Variants in MYCBP2 observed in about 807,000 individuals in gnomAD.
The protein encoded by MYCBP2 is E3 ubiquitin-protein ligase MYCBP2.
A neutral mutation model predicts 525.3 loss-of-function variants in MYCBP2; 120 were observed. The ratio of observed to expected loss-of-function variants is 0.23; its 90% CI spans 0.20 to 0.27. MYCBP2 has a LOEUF of 0.27. Among genes scored for constraint, MYCBP2 ranks in the 10% least tolerant of loss-of-function variants. The pLI, the probability that MYCBP2 is intolerant of heterozygous loss-of-function variation, is 1.00. For synonymous variants in MYCBP2, 1,894 were observed against 1,955.8 expected, an observed-to-expected ratio of 0.97 and a Z score of 0.83; for missense variants, 4,149 against 5,657.1, an observed-to-expected ratio of 0.73 and a Z score of 8.55.
At chr13:77,073,676 T>A (rs1008220231) in intron 68 of MYCBP2, among the ~76,000 whole-genome samples, 1 of 152,048 alleles carries the variant, frequency 6.6e-6, no homozygotes, top group Non-Finnish European at 1.5e-5. Flanking sequence ...AATTAGTAAG[T>A]GAATTTAAGA....
chr13:77,229,421 T>C (rs1441050157), intron 18 of MYCBP2, among the ~76,000 whole-genome samples: 1 of 152,188 alleles, frequency 6.6e-6, no homozygotes, highest in Non-Finnish European at 1.5e-5. Context: ...ATTTAGAGTT[T>C]AATCATAAAT....
At chr13:77,189,975 A>T (rs1462693330) in intron 29 of MYCBP2, among the ~76,000 whole-genome samples, 1 of 152,132 alleles carries the variant, frequency 6.6e-6, no homozygotes, top group Admixed American at 6.5e-5. Context: ...AAATCAATGG[A>T]TAGATTTTTT....
intron 4 of MYCBP2, among the ~76,000 whole-genome samples, chr13:77,277,195 A>G (rs1227437598): frequency 2.0e-5 from 3 of 152,186 alleles, no homozygotes; most frequent in Non-Finnish European, 4.4e-5. Flanking sequence ...GTATTTCAAC[A>G]TTCCAATTAT....
chr13:77,271,622 G>A (rs1289872685), intron 5 of MYCBP2, among the ~76,000 whole-genome samples: 1 of 152,244 alleles, frequency 6.6e-6, no homozygotes. Context: ...TAAGCCTCAC[G>A]AGATCTGATG....
chr13:77,235,825 T>C (rs902127185), intron 17 of MYCBP2, among the ~76,000 whole-genome samples: 1 of 151,278 alleles, frequency 6.6e-6, no homozygotes, highest in African/African-American at 2.4e-5. Flanking sequence ...AGGTAGACAG[T>C]GTAGAGATAA....
intron 33 of MYCBP2, 135 bp from the exon 34 acceptor site, chr13:77,180,453 G>T (rs190667975): frequency 0.022 from 15,798 of 712,410 alleles, 219 homozygotes; most frequent in Non-Finnish European, 0.03. Flanking sequence ...AATCTTTCTG[G>T]TTATATGTGG....
chr13:77,202,325 T>A (rs186125145), intron 26 of MYCBP2, among the ~76,000 whole-genome samples: 1 of 151,830 alleles, frequency 6.6e-6, no homozygotes, highest in African/African-American at 2.4e-5. Flanking sequence ...ACACATACAC[T>A]CTCCCAAGAC....
At chr13:77,178,836 G>C (rs899006251) in intron 34 of MYCBP2, among the ~76,000 whole-genome samples, 4 of 151,540 alleles carry the variant, frequency 2.6e-5, no homozygotes, top group Non-Finnish European at 5.9e-5. Flanking sequence ...AGTTTAAAGG[G>C]GAGAACTCTT....
intron 8 of MYCBP2, among the ~76,000 whole-genome samples, chr13:77,265,352 C>T (rs895019628): frequency 2.0e-5 from 3 of 151,938 alleles, no homozygotes; most frequent in African/African-American, 7.3e-5. Context: ...TTCAGATAAA[C>T]GCAGGGGTGA....
At chr13:77,148,108 A>AT (rs2055895130) in intron 47 of MYCBP2, among the ~76,000 whole-genome samples, 1 of 152,050 alleles carries the variant, frequency 6.6e-6, no homozygotes. Context: ...ATAGAGAAGA[A>AT]TTTTTAGCCT....
chr13:77,124,619 G>T (rs1467706691), intron 54 of MYCBP2, among the ~76,000 whole-genome samples: 1 of 152,104 alleles, frequency 6.6e-6, no homozygotes, highest in Non-Finnish European at 1.5e-5. Flanking sequence ...GTCCACAAGG[G>T]ACTCATAACT....
At chr13:77,255,841 A>G (rs1344878639) in intron 14 of MYCBP2, among the ~76,000 whole-genome samples, 1 of 152,028 alleles carries the variant, frequency 6.6e-6, no homozygotes, top group African/African-American at 2.4e-5. Context: ...TAATTTATAC[A>G]GCATTAATCC....
intron 74 of MYCBP2, among the ~76,000 whole-genome samples, chr13:77,062,188 C>G (rs1233309241): frequency 6.6e-6 from 1 of 152,038 alleles, no homozygotes; most frequent in Non-Finnish European, 1.5e-5. Context: ...TTAAAGATAC[C>G]CATCAAACCT....
chr13:77,052,910 C>G (rs1411736089), intron 80 of MYCBP2, among the ~76,000 whole-genome samples: 1 of 152,138 alleles, frequency 6.6e-6, no homozygotes, highest in Non-Finnish European at 1.5e-5. Context: ...AGACAGATTC[C>G]TTGAGCTCAG....
intron 47 of MYCBP2, 132 bp from the exon 48 acceptor site, chr13:77,146,349 T>C (rs2055549061): frequency 4.5e-6 from 2 of 442,536 alleles, no homozygotes; most frequent in Admixed American, 4.4e-5. Flanking sequence ...GAAAAAAAAT[T>C]ACCTACTTTA....
chr13:77,318,622 G>A (rs2081241298), intron 1 of MYCBP2, among the ~76,000 whole-genome samples: 1 of 151,976 alleles, frequency 6.6e-6, no homozygotes, highest in Admixed American at 6.6e-5. Flanking sequence ...AGTGTGGTGG[G>A]ACACGCCTGT....
At chr13:77,120,756 T>C (rs2050550335) in intron 55 of MYCBP2, among the ~76,000 whole-genome samples, 1 of 152,208 alleles carries the variant, frequency 6.6e-6, no homozygotes, top group Non-Finnish European at 1.5e-5. Flanking sequence ...TCCATGATGC[T>C]GGTCTCTTCC....
chr13:77,098,255 C>T lies in MYCBP2; in HGVS notation c.8899G>A (p.Val2967Ile). 1.2e-6 allele frequency: 2 copies of T among 1,613,024 alleles called. No individual in the cohort carries two copies. Among genetic ancestry groups the T allele is most frequent in the East Asian group, 4.5e-5 (2 of 44,862 alleles). The change falls in exon 56 of 83, where the codon GTT (valine) becomes ATT (isoleucine). Residue 2967 changes from valine to isoleucine, a missense_variant. Around this residue, in one of 21 missense-constraint regions of MYCBP2, gnomAD observed 653 missense variants for 744.7 expected, o/e 0.88. Transcript: ENST00000544440. Reference protein sequence around the residue: ...FKSVDEGSNKVHFSIGKAPLK... With the variant: ...FKSVDEGSNKIHFSIGKAPLK... ...GGTGCTTTTCCAATGCTAAAATGAA[C>T]TTTATTTGAACCTTCATCCACACTC...
chr13:77,243,918 A>G lies in MYCBP2; in HGVS notation c.2415T>C (p.Cys805=). Residue 805 remains cysteine, a synonymous_variant, in exon 16 of 83, where the codon TGT becomes TGC. Coordinates refer to ENST00000544440, the MANE Select transcript of MYCBP2 (RefSeq NM_015057.5). ...ICGCGSGESG[C]AVCGCCKACA... is the part of the protein sequence containing the mutation. Reference sequence around the variant, plus strand: ...AGGCCTTGCAACATCCACACACAGCACAACCAGATTCTCCGGAACCACAAC... The same window carrying G: ...AGGCCTTGCAACATCCACACACAGCGCAACCAGATTCTCCGGAACCACAAC... The G allele has an allele frequency of 6.2e-7, 1 of 1,601,744 alleles. No homozygotes were observed. Among genetic ancestry groups the G allele is most frequent in the East Asian group, 2.3e-5 (1 of 44,416 alleles).
Sources: allele counts gnomAD v4.1 joint callset (sites outside exome capture counted in the v4.1 genomes callset), GRCh38; gene constraint gnomAD v4.1.1; regional missense constraint gnomAD v4.1.1; transcripts MANE v1.5; gene names NCBI Gene and HGNC (gene_info 2026-07-23, HGNC 2026-07-21).